The following ADAMTS16 variants were observed in gnomAD, a reference collection of about 807,000 sequenced individuals.
ADAMTS16 encodes the protein A disintegrin and metalloproteinase with thrombospondin motifs 16.
In ADAMTS16, 94 loss-of-function variants were observed where a neutral mutation model predicts 145.8. That is an observed-to-expected ratio of 0.64 (90% CI 0.55 to 0.77). The LOEUF is 0.77. Ranked by LOEUF, ADAMTS16 falls within the 30% of genes least tolerant of loss-of-function variation. The pLI, the probability that ADAMTS16 is intolerant of heterozygous loss-of-function variation, is 0.00. For missense variants in ADAMTS16, 1,585 were observed against 1,591.5 expected (o/e 1.00, Z 0.07); for synonymous variants, 659 against 604.3 (o/e 1.09, Z -1.33).
At chr5:5,165,615 G>T (rs1560930434) in intron 3 of ADAMTS16, among the ~76,000 whole-genome samples, 1 of 152,146 alleles carries the variant, frequency 6.6e-6, no homozygotes, top group Non-Finnish European at 1.5e-5. Flanking sequence ...CAGCAAAACC[G>T]GTAGGAGAAG....
At position 5,305,489 on chromosome 5, in the gene ADAMTS16, A is replaced by AT. The variant is rs1422835980; in HGVS notation, c.3187-1015_3187-1014insT. ...CACACATCCCACACCACACACACAC[A>AT]ATCCCACACCACACACACATCCCAT... On this transcript the variant is annotated intron_variant, in intron 20 of 22. Transcript: ENST00000274181. Among the ~76,000 whole-genome samples the AT allele has an allele frequency of 4.6e-3, 211 of 45,568 alleles. 19 individuals are homozygous for AT. Among genetic ancestry groups the AT allele is most frequent in the African/African-American group, 0.016 (203 of 12,658 alleles). 29.9% of individuals were successfully genotyped at this position (45,568 alleles called of 152,430 possible).
intron 17 of ADAMTS16, among the ~76,000 whole-genome samples, chr5:5,251,152 C>T (rs1236699603): frequency 6.6e-6 from 1 of 152,194 alleles, no homozygotes; most frequent in Non-Finnish European, 1.5e-5. Context: ...AAGTAAAGAA[C>T]ACAAATCATT....
At chr5:5,238,732 T>G (rs1427168915) in intron 14 of ADAMTS16, among the ~76,000 whole-genome samples, 1 of 152,242 alleles carries the variant, frequency 6.6e-6, no homozygotes, top group Non-Finnish European at 1.5e-5. Flanking sequence ...GGAGAATTTC[T>G]GTGTGTCATC....
At position 5,317,748 on chromosome 5, in the gene ADAMTS16, C is replaced by A. The variant is rs190783567; in HGVS notation, c.3412-386C>A. Among the ~76,000 whole-genome samples the A allele has an allele frequency of 8.0e-3, 1,212 of 152,218 alleles. 12 individuals are homozygous for A. Among genetic ancestry groups the A allele is most frequent in the African/African-American group, 0.028 (1,142 of 41,522 alleles). On this transcript the variant is annotated intron_variant, in intron 21 of 22. Transcript: ENST00000274181. This position sits in a 1 kb window ranked among gnomAD's most constrained non-coding sequence, Gnocchi z 4.5. ...ACTCAGCCCCCACAAAGCCCAAGCCCGGGAACCGTCTGTTGAGACTATAGA... is the reference window on the plus strand; with the variant it reads ...ACTCAGCCCCCACAAAGCCCAAGCCAGGGAACCGTCTGTTGAGACTATAGA...
chr5:5,268,967 C>T (rs947746571), intron 18 of ADAMTS16, among the ~76,000 whole-genome samples: 2 of 152,108 alleles, frequency 1.3e-5, no homozygotes, highest in African/African-American at 2.4e-5. Context: ...CAAAGGGAAC[C>T]GCTCCCTCCC....
chr5:5,181,892 C>T (rs1208709234), intron 3 of ADAMTS16, 152 bp from the exon 4 acceptor site: 7 of 806,464 alleles, frequency 8.7e-6, no homozygotes, highest in East Asian at 8.1e-5. Context: ...AATTCTCAGC[C>T]GGGGTTTTTG....
chr5:5,194,691 T>C (rs987518584), intron 8 of ADAMTS16, among the ~76,000 whole-genome samples: 2 of 152,222 alleles, frequency 1.3e-5, no homozygotes, highest in Non-Finnish European at 2.9e-5. Flanking sequence ...GTTCAGTTCA[T>C]GTATTTAGTG....
intron 21 of ADAMTS16, among the ~76,000 whole-genome samples, chr5:5,308,069 G>A (rs1015434542): frequency 5.3e-5 from 8 of 152,124 alleles, no homozygotes; most frequent in Non-Finnish European, 1.0e-4. Flanking sequence ...CTCCGCCTCC[G>A]GCCAGGGTTG....
At chr5:5,245,082 A>G (rs1278987170) in intron 17 of ADAMTS16, among the ~76,000 whole-genome samples, 4 of 152,204 alleles carry the variant, frequency 2.6e-5, no homozygotes, top group East Asian at 3.8e-4. Context: ...TTCAGAATTT[A>G]CTGTCTCTGC....
intron 17 of ADAMTS16, among the ~76,000 whole-genome samples, chr5:5,244,812 T>C (rs1327151449): frequency 1.3e-5 from 2 of 152,312 alleles, no homozygotes; most frequent in African/African-American, 2.4e-5. Context: ...GATTGAAATA[T>C]CAGCAATGAG....
At chr5:5,227,021 A>G (rs994970547) in intron 11 of ADAMTS16, among the ~76,000 whole-genome samples, 15 of 152,252 alleles carry the variant, frequency 9.9e-5, no homozygotes, top group African/African-American at 3.6e-4. Flanking sequence ...GTGTGATTCT[A>G]TCAGGTCCAG....
chr5:5,234,724 G>A (rs1737042999), intron 12 of ADAMTS16, among the ~76,000 whole-genome samples: 1 of 151,888 alleles, frequency 6.6e-6, no homozygotes, highest in African/African-American at 2.4e-5. Flanking sequence ...ACAAAAATTA[G>A]CTGGGTGTGG....
chr5:5,185,097 A>G lies in ADAMTS16; in HGVS notation c.764-955A>G, dbSNP rs556496574. ...TAGGGTGGAGCTCACACCTGCGGGC[A>G]TTGCATAAACATTAATGGCAAATGA... On this transcript the variant is annotated intron_variant, in intron 4 of 22. Transcript: ENST00000274181. 7.9e-5 allele frequency among the ~76,000 whole-genome samples: 12 copies of G among 152,316 alleles called. 1 individual carries two copies. The South Asian group carries it at 2.5e-3, about 32-fold the overall frequency.
chr5:5,140,539 G>A lies in ADAMTS16; in HGVS notation c.72G>A (p.Gln24=). The A allele has an allele frequency of 1.3e-6, 2 of 1,511,786 alleles. No homozygotes were observed. Among genetic ancestry groups the A allele is most frequent in the Non-Finnish European group, 1.8e-6 (2 of 1,139,598 alleles). The allele number at this position is 1,511,786 out of a possible 1,614,324, so 93.6% of individuals were successfully genotyped here. Residue 24 remains glutamine, a splice_region_variant and synonymous_variant, in exon 1 of 23, where the codon CAG becomes CAA. Transcript: ENST00000274181. ...TGCTGTTGGCGCAGGTGGCCGAGCA[G>A]GTGAGTCCCGGGCGCTCCCACCAGC... The part of the protein sequence containing the change: ...LWMLLAQVAE[Q]APACAMGPAA...
chr5:5,269,058 C>T lies in ADAMTS16; in HGVS notation c.2789+6275C>T, dbSNP rs953777547. On this transcript the variant is annotated intron_variant, in intron 18 of 22. Transcript: ENST00000274181. This position sits in a 1 kb window ranked among gnomAD's most constrained non-coding sequence, Gnocchi z 4.3. Reference sequence around the variant, plus strand: ...CATACACACCTCACCTGTGACCTCTCGGTCCTTAACACCCCTCTCCAGACA... The same window carrying T: ...CATACACACCTCACCTGTGACCTCTTGGTCCTTAACACCCCTCTCCAGACA... Among the ~76,000 whole-genome samples, 11 of 152,160 alleles carry T rather than the reference C, an allele frequency of 7.2e-5. No individual in the cohort carries two copies. Among genetic ancestry groups the T allele is most frequent in the African/African-American group, 1.4e-4 (6 of 41,436 alleles).
chr5:5,303,582 C>A lies in ADAMTS16; in HGVS notation c.3002C>A (p.Thr1001Asn). The A allele has an allele frequency of 6.2e-7, 1 of 1,614,122 alleles. No individual in the cohort carries two copies. Among genetic ancestry groups the A allele is most frequent in the South Asian group, 1.1e-5 (1 of 91,078 alleles). Residue 1001 changes from threonine (T) to asparagine (N), a missense_variant, in exon 20 of 23, where the codon ACC becomes AAC. Around this residue, in one of 3 missense-constraint regions of ADAMTS16, gnomAD observed 834 missense variants for 811.7 expected, o/e 1.03. Transcript: ENST00000274181. ...SAGPWAECSH[T>N]CGKGWRKRAV... ...GACTGTTCTGTGCAGTGCTCACACA[C>A]CTGTGGGAAGGGGTGGAGGAAGCGG...
At chr5:5,287,782 G>A (rs1331226167) in intron 18 of ADAMTS16, among the ~76,000 whole-genome samples, 1 of 152,122 alleles carries the variant, frequency 6.6e-6, no homozygotes, top group Non-Finnish European at 1.5e-5. Flanking sequence ...GATTCCTGGT[G>A]ACCCCGTCAC....
At chr5:5,240,071 G>T (rs1737241596) in intron 16 of ADAMTS16, 146 bp downstream of exon 16, 7 of 1,332,724 alleles carry the variant, frequency 5.3e-6, no homozygotes, top group South Asian at 1.5e-5. Context: ...GAGGCAGCAG[G>T]CTTGTTTTTA....
Position 5,141,046 on chromosome 5 carries a change from C to T in ADAMTS16, c.175+280C>T, listed in dbSNP as rs192149260. 1.2e-3 allele frequency among the ~76,000 whole-genome samples: 176 copies of T among 152,224 alleles called. 4 individuals carry two copies. The East Asian group carries it at 0.024, about 20-fold the overall frequency. On this transcript the variant is annotated intron_variant, in intron 2 of 22. Coordinates refer to ENST00000274181, the MANE Select transcript of ADAMTS16 (RefSeq NM_139056.4). The stretch of plus-strand genomic sequence containing the variant: ...GTTCATTTTATTTTATTCTAAAGAG[C>T]TTAGGAAGAATCTAAAGCTATTAAT...
Sources: allele counts gnomAD v4.1 joint callset (sites outside exome capture counted in the v4.1 genomes callset), GRCh38; gene constraint gnomAD v4.1.1; regional missense constraint gnomAD v4.1.1; non-coding constraint Gnocchi (gnomAD v3.1); transcripts MANE v1.5; gene names NCBI Gene and HGNC (gene_info 2026-07-23, HGNC 2026-07-21).